SLC9C1: variants seen among roughly 807,000 people sequenced by gnomAD.
SLC9C1 encodes sodium/hydrogen exchanger 10.
In SLC9C1, 97 loss-of-function variants were observed where a neutral mutation model predicts 140.9. The observed-to-expected ratio is 0.69, with a 90% CI of 0.58 to 0.82. The LOEUF (loss-of-function observed/expected upper bound fraction) is 0.82. Among genes scored for constraint, SLC9C1 ranks in the 40% least tolerant of loss-of-function variants. The probability of loss-of-function intolerance (pLI) is 0.00; values close to 1 mark genes in which losing one functional copy is unlikely to be tolerated. For missense variants in SLC9C1, 1,340 were observed against 1,389.3 expected, an observed-to-expected ratio of 0.96 and a Z score of 0.56; for synonymous variants, 440 against 442.6, an observed-to-expected ratio of 0.99 and a Z score of 0.07.
At chr3:112,293,103 C>T (rs1261943568) in intron 1 of SLC9C1, among the ~76,000 whole-genome samples, 4 of 80,778 alleles carry the variant, frequency 5.0e-5, no homozygotes, top group Non-Finnish European at 9.5e-5. Context: ...ACTGTCTCTA[C>T]TAAAAATACA....
At chr3:112,253,915 G>A (rs1160373643) in intron 10 of SLC9C1, among the ~76,000 whole-genome samples, 1 of 152,078 alleles carries the variant, frequency 6.6e-6, no homozygotes, top group African/African-American at 2.4e-5. Context: ...TGAGAGAGCT[G>A]AAAAGCACAC....
intron 26 of SLC9C1, among the ~76,000 whole-genome samples, chr3:112,160,973 G>A (rs2075279655): frequency 6.6e-6 from 1 of 152,204 alleles, no homozygotes; most frequent in Admixed American, 6.5e-5. Context: ...TAACTGGTGT[G>A]AGATGGTATC....
intron 22 of SLC9C1, 135 bp from the exon 23 acceptor site, chr3:112,179,836 T>G: frequency 1.5e-6 from 1 of 683,746 alleles, no homozygotes; most frequent in Non-Finnish European, 2.2e-6. Context: ...ATATTTTATT[T>G]CTTTTTAAGT....
At chr3:112,182,046 AC>A in intron 21 of SLC9C1, 86 bp downstream of exon 21, 1 of 1,021,686 alleles carries the variant, frequency 9.8e-7, no homozygotes, top group East Asian at 3.0e-5. Flanking sequence ...AGAATATTAA[AC>A]TAGAGAGTAT....
chr3:112,225,563 C>T (rs1203557466), intron 13 of SLC9C1, among the ~76,000 whole-genome samples: 2 of 145,850 alleles, frequency 1.4e-5, no homozygotes, highest in Non-Finnish European at 3.0e-5. Flanking sequence ...CACATGACAC[C>T]TTTCAATAAT....
chr3:112,221,932 C>G (rs2078552145), intron 13 of SLC9C1, among the ~76,000 whole-genome samples: 1 of 152,134 alleles, frequency 6.6e-6, no homozygotes, highest in South Asian at 2.1e-4. Context: ...ATTATGTGAC[C>G]AAAGATTTCT....
chr3:112,200,892 G>T lies in SLC9C1; in HGVS notation c.2323-130C>A, dbSNP rs116093355. On this transcript the variant is annotated intron_variant, in intron 18 of 28. Coordinates refer to ENST00000305815, the MANE Select transcript of SLC9C1 (RefSeq NM_183061.3). Reference sequence around the variant, plus strand: ...AGAAGTAGGATGAAGAGGTTTTCAGGGGTTCGAATTGAATTTTGTGCCGCA... The same window carrying T: ...AGAAGTAGGATGAAGAGGTTTTCAGTGGTTCGAATTGAATTTTGTGCCGCA... 867 of 777,266 alleles carry T rather than the reference G, an allele frequency of 1.1e-3. 9 individuals carry two copies. In the African/African-American group the frequency reaches 0.014, roughly 13 times the overall value. 48.1% of individuals were successfully genotyped at this position (777,266 alleles called of 1,614,324 possible). A position where few individuals can be genotyped will look rare whatever the true frequency, so the allele number is the denominator to read the frequency against.
intron 10 of SLC9C1, among the ~76,000 whole-genome samples, chr3:112,247,072 G>A (rs1418285891): frequency 6.6e-6 from 1 of 152,194 alleles, no homozygotes. Flanking sequence ...ATGCAAATAG[G>A]CAGAAGCTTA....
chr3:112,164,659 C>A (rs949006019), intron 26 of SLC9C1, among the ~76,000 whole-genome samples: 5 of 151,672 alleles, frequency 3.3e-5, no homozygotes, highest in African/African-American at 1.2e-4. Flanking sequence ...GTCGGATGGG[C>A]TTCCCTTTGT....
chr3:112,247,262 C>G (rs972994956), intron 10 of SLC9C1, among the ~76,000 whole-genome samples: 17 of 152,100 alleles, frequency 1.1e-4, no homozygotes, highest in Non-Finnish European at 2.2e-4. Context: ...CATTTATAAG[C>G]ACAGCAATAG....
At chr3:112,150,836 ATATATT>A (rs2074950270) in intron 28 of SLC9C1, among the ~76,000 whole-genome samples, 1 of 47,366 alleles carries the variant, frequency 2.1e-5, no homozygotes, top group African/African-American at 1.5e-4. Context: ...ATATATATAT[ATATATT>A]TTTTTTTTTT....
intron 11 of SLC9C1, among the ~76,000 whole-genome samples, chr3:112,240,399 G>A (rs981436295): frequency 6.6e-6 from 1 of 152,204 alleles, no homozygotes; most frequent in Non-Finnish European, 1.5e-5. Context: ...GCCACAGGGT[G>A]CCCATATATT....
chr3:112,166,772 G>A (rs929404759), intron 26 of SLC9C1, among the ~76,000 whole-genome samples: 2 of 151,184 alleles, frequency 1.3e-5, no homozygotes, highest in Non-Finnish European at 2.9e-5. Context: ...TTTAACCATG[G>A]TCTTAATAGT....
chr3:112,285,816 G>C (rs2080492148), intron 2 of SLC9C1, among the ~76,000 whole-genome samples: 1 of 152,004 alleles, frequency 6.6e-6, no homozygotes, highest in Non-Finnish European at 1.5e-5. Context: ...ACCCAGGCTG[G>C]AGTGCAGTGG....
At chr3:112,292,838 C>T (rs71616140) in intron 1 of SLC9C1, among the ~76,000 whole-genome samples, 41,639 of 151,724 alleles carry the variant, frequency 0.27, 6,068 homozygotes, top group East Asian at 0.4. Flanking sequence ...CCACCACGCC[C>T]GGCCACAGGT....
In SLC9C1 at chr3:112,141,225, C is replaced by A; in HGVS notation, c.*47G>T. On this transcript the variant is annotated 3_prime_UTR_variant, in exon 29 of 29. Coordinates refer to ENST00000305815, the MANE Select transcript of SLC9C1 (RefSeq NM_183061.3). ...GAAGTGTGTTTCTGCAGCAGGAGGC[C>A]TCTCATAGCCACAGCATTAATACAT... 1.3e-6 allele frequency: 2 copies of A among 1,526,928 alleles called. No individual in the cohort carries two copies. The highest frequency in any genetic ancestry group is 1.8e-6 in the Non-Finnish European group (2 of 1,139,310). The allele number at this position is 1,526,928 out of a possible 1,614,324, so 94.6% of individuals were successfully genotyped here.
chr3:112,267,568 T>C, intron 7 of SLC9C1, among the ~76,000 whole-genome samples: 1 of 61,996 alleles, frequency 1.6e-5, no homozygotes, highest in African/African-American at 7.2e-5. Flanking sequence ...AGAGCAAGAC[T>C]CCGTCTCAAA....
chr3:112,221,730 A>G (rs1337556372), intron 13 of SLC9C1, among the ~76,000 whole-genome samples: 1 of 152,028 alleles, frequency 6.6e-6, no homozygotes, highest in African/African-American at 2.4e-5. Flanking sequence ...TATAAGGAGT[A>G]TTATAATAAC....
At chr3:112,197,684 G>C (rs960869510) in intron 20 of SLC9C1, among the ~76,000 whole-genome samples, 1 of 152,110 alleles carries the variant, frequency 6.6e-6, no homozygotes, top group East Asian at 1.9e-4. Context: ...TCTAAAAGGA[G>C]AGACAGATTT....
Sources: allele counts gnomAD v4.1 joint callset (sites outside exome capture counted in the v4.1 genomes callset), GRCh38; gene constraint gnomAD v4.1.1; transcripts MANE v1.5; gene names NCBI Gene and HGNC (gene_info 2026-07-23, HGNC 2026-07-21).